Variants in MMS22L observed in about 807,000 individuals in gnomAD.
The protein encoded by MMS22L is MMS22 like, DNA repair protein.
A neutral mutation model predicts 159.1 loss-of-function variants in MMS22L; 74 were observed. The ratio of observed to expected loss-of-function variants is 0.47; its 90% CI spans 0.39 to 0.56. MMS22L has a LOEUF of 0.56. Ranked by LOEUF, MMS22L falls within the 20% of genes least tolerant of loss-of-function variation. MMS22L has a pLI of 0.00. For missense variants in MMS22L, 1,351 were observed against 1,422.1 expected (o/e 0.95, Z 0.80); for synonymous variants, 517 against 506.9 (o/e 1.02, Z -0.27).
intron 14 of MMS22L, among the ~76,000 whole-genome samples, chr6:97,203,476 T>C (rs1277586611): frequency 6.6e-6 from 1 of 152,162 alleles, no homozygotes; most frequent in African/African-American, 2.4e-5. Context: ...TGATACTCAA[T>C]AAACAGTTTC....
In MMS22L at chr6:97,150,053, C is replaced by T. The variant is rs1030194196; in HGVS notation, c.3483-33G>A. ...TAAAACAGGTTTATTTAGGATTACT[C>T]CTGGGGCAATTCCTTGTGTTGGTAT... is the stretch of plus-strand genomic sequence containing the variant. On this transcript the variant is annotated intron_variant, in intron 23 of 24. Transcript: ENST00000683635. 8 of 1,584,382 alleles carry T rather than the reference C, an allele frequency of 5.0e-6. No homozygotes were observed. The Admixed American group carries it at 5.1e-5, about 10-fold the overall frequency.
intron 14 of MMS22L, among the ~76,000 whole-genome samples, chr6:97,194,873 T>C (rs140153407): frequency 2.6e-5 from 4 of 152,128 alleles, no homozygotes; most frequent in Admixed American, 1.3e-4. Context: ...AATCACTTAC[T>C]CTCTAATTCA....
intron 10 of MMS22L, among the ~76,000 whole-genome samples, chr6:97,251,133 C>T (rs993400840): frequency 1.3e-5 from 2 of 152,112 alleles, no homozygotes; most frequent in Non-Finnish European, 2.9e-5. Flanking sequence ...CAAAAATTAA[C>T]CAGTTAGGAT....
chr6:97,163,763 T>C (rs1802685820), intron 21 of MMS22L, among the ~76,000 whole-genome samples: 1 of 152,076 alleles, frequency 6.6e-6, no homozygotes, highest in Admixed American at 6.6e-5. Flanking sequence ...ATATCAGGTG[T>C]AGGTTTTATA....
intron 22 of MMS22L, among the ~76,000 whole-genome samples, chr6:97,156,274 G>T (rs1005655514): frequency 5.9e-5 from 9 of 152,138 alleles, no homozygotes; most frequent in Admixed American, 5.9e-4. Context: ...TCTGTAGGTT[G>T]CCTGTTCACT....
Position 97,275,862 on chromosome 6 carries a change from G to A in MMS22L, c.341-2800C>T, listed in dbSNP as rs1465596759. Reference sequence around the variant, plus strand: ...TCTACAAAAAATTAATTTTAGTCAGGCATGATGGCGTGAGCCTGTAGTCTC... The same window carrying A: ...TCTACAAAAAATTAATTTTAGTCAGACATGATGGCGTGAGCCTGTAGTCTC... On this transcript the variant is annotated intron_variant, in intron 4 of 24. Coordinates refer to ENST00000683635, the MANE Select transcript of MMS22L (RefSeq NM_001350599.2). Among the ~76,000 whole-genome samples, 6 of 152,156 alleles carry A rather than the reference G, an allele frequency of 3.9e-5. 1 individual carries two copies. The highest frequency in any genetic ancestry group is 1.4e-4 in the African/African-American group (6 of 41,528).
intron 11 of MMS22L, among the ~76,000 whole-genome samples, chr6:97,244,372 T>A (rs1812409223): frequency 6.6e-6 from 1 of 152,294 alleles, no homozygotes; most frequent in East Asian, 1.9e-4. Context: ...AGAGAAAGAC[T>A]GTTGATAGTT....
chr6:97,151,988 T>A, intron 22 of MMS22L, 121 bp from the exon 23 acceptor site: 1 of 659,198 alleles, frequency 1.5e-6, no homozygotes, highest in South Asian at 2.5e-5. Context: ...ACATCCTTTT[T>A]CTATTTTTCA....
At chr6:97,168,616 A>C (rs1433992306) in intron 19 of MMS22L, among the ~76,000 whole-genome samples, 1 of 152,100 alleles carries the variant, frequency 6.6e-6, no homozygotes, top group Non-Finnish European at 1.5e-5. Flanking sequence ...CTGTTGGATT[A>C]GGGGTGCTCA....
In MMS22L at chr6:97,275,910, G is replaced by A. The variant is rs145320114; in HGVS notation, c.341-2848C>T. Among the ~76,000 whole-genome samples the A allele has an allele frequency of 1.6e-4, 25 of 152,108 alleles. No individual in the cohort carries two copies. In the East Asian group the frequency reaches 4.9e-3, roughly 30 times the overall value. On this transcript the variant is annotated intron_variant, in intron 4 of 24. Transcript: ENST00000683635. ...CTCAGCTACTTGGGAAGCTGAGATGGGAGGATCTGCTTGAGCCCAGGAGGT... is the reference window on the plus strand; with the variant it reads ...CTCAGCTACTTGGGAAGCTGAGATGAGAGGATCTGCTTGAGCCCAGGAGGT...
At chr6:97,261,226 A>G (rs1288588253) in intron 9 of MMS22L, 1 of 152,222 alleles carries the variant, frequency 6.6e-6, no homozygotes, top group Non-Finnish European at 1.5e-5. Context: ...TAAAACTGAC[A>G]GTACTAAGCA....
At position 97,151,826 on chromosome 6, in the gene MMS22L, C is replaced by T. The variant is rs149504456; in HGVS notation, c.3427G>A (p.Ala1143Thr). Reference sequence around the variant, plus strand: ...TCTTCTTCTGACCCCACTTGGCAGGCTTTTACCATGTATTGCAGGTTCTCT... The same window carrying T: ...TCTTCTTCTGACCCCACTTGGCAGGTTTTTACCATGTATTGCAGGTTCTCT... ...ATENLQYMVK[A>T]CQVGSEEEPS... Residue 1143 changes from alanine to threonine, a missense_variant, in exon 23 of 25, where the codon GCC becomes ACC. By Grantham distance (58) the Ala-to-Thr change is moderately conservative. Transcript: ENST00000683635. 272 of 1,613,702 alleles carry T rather than the reference C, an allele frequency of 1.7e-4. 1 individual carries two copies. In the African/African-American group the frequency reaches 3.3e-3, roughly 20 times the overall value.
chr6:97,160,370 A>G (rs1008625192), intron 22 of MMS22L, among the ~76,000 whole-genome samples: 1 of 152,016 alleles, frequency 6.6e-6, no homozygotes, highest in Non-Finnish European at 1.5e-5. Flanking sequence ...GCTTTGCTGA[A>G]AAAAGATTCT....
At position 97,229,414 on chromosome 6, in the gene MMS22L, T is replaced by G; in HGVS notation, c.1530-11A>C. On this transcript the variant is annotated splice_polypyrimidine_tract_variant and intron_variant, in intron 13 of 24. Coordinates refer to ENST00000683635, the MANE Select transcript of MMS22L (RefSeq NM_001350599.2). The stretch of plus-strand genomic sequence containing the variant: ...AATTTTGAATATATTCTGTAAAACA[T>G]TAAAAAATGCTTTAATAAAATTGTT... 1.3e-6 allele frequency: 2 copies of G among 1,489,912 alleles called. No individual in the cohort carries two copies. Among genetic ancestry groups the G allele is most frequent in the Non-Finnish European group, 1.8e-6 (2 of 1,114,252 alleles). The allele number at this position is 1,489,912 out of a possible 1,614,324, so 92.3% of individuals were successfully genotyped here.
Position 97,162,176 on chromosome 6 carries a change from G to A in MMS22L, c.3222-11C>T, listed in dbSNP as rs753335325. On this transcript the variant is annotated splice_polypyrimidine_tract_variant and intron_variant, in intron 21 of 24. Coordinates refer to ENST00000683635, the MANE Select transcript of MMS22L (RefSeq NM_001350599.2). ...TCAAGGTAGGATTTCCTGAAAAGAAGCAAAATTTGTTTATTCTCTGCTTAA... is the reference window on the plus strand; with the variant it reads ...TCAAGGTAGGATTTCCTGAAAAGAAACAAAATTTGTTTATTCTCTGCTTAA... 1 of 1,583,572 alleles carries A rather than the reference G, an allele frequency of 6.3e-7. No individual in the cohort carries two copies. Among genetic ancestry groups the A allele is most frequent in the Non-Finnish European group, 8.5e-7 (1 of 1,170,618 alleles).
chr6:97,202,253 A>G (rs1346299895), intron 14 of MMS22L, among the ~76,000 whole-genome samples: 3 of 152,184 alleles, frequency 2.0e-5, no homozygotes, highest in African/African-American at 7.2e-5. Flanking sequence ...GGAATTTTAA[A>G]CTAGCATAGA....
At chr6:97,267,074 A>G (rs1214236027) in intron 8 of MMS22L, 1 of 152,192 alleles carries the variant, frequency 6.6e-6, no homozygotes, top group Non-Finnish European at 1.5e-5. Flanking sequence ...ATATCAAAAC[A>G]TGATGTATAT....
At chr6:97,270,217 C>A (rs949704267) in intron 6 of MMS22L, 1 of 612,974 alleles carries the variant, frequency 1.6e-6, no homozygotes, top group African/African-American at 1.8e-5. Context: ...GACAAACCCA[C>A]CTTGGGGCTG....
intron 15 of MMS22L, among the ~76,000 whole-genome samples, chr6:97,185,949 T>C (rs543396454): frequency 6.6e-6 from 1 of 152,162 alleles, no homozygotes; most frequent in South Asian, 2.1e-4. Flanking sequence ...TTCTTACCTA[T>C]AATTTCATGA....
Sources: allele counts gnomAD v4.1 joint callset (sites outside exome capture counted in the v4.1 genomes callset), GRCh38; gene constraint gnomAD v4.1.1; transcripts MANE v1.5; gene names NCBI Gene and HGNC (gene_info 2026-07-23, HGNC 2026-07-21).